FAM83G: variants seen among roughly 807,000 people sequenced by gnomAD.
FAM83G encodes the protein scaffolding CK1 anchoring protein G.
FAM83G carries 38 observed loss-of-function variants against 61.5 expected under a neutral mutation model. That is an observed-to-expected ratio of 0.62 (90% CI 0.48 to 0.81). The LOEUF is 0.81. Ranked by LOEUF, FAM83G falls within the 30% of genes least tolerant of loss-of-function variation. The probability of loss-of-function intolerance (pLI) is 0.00; values close to 1 mark genes in which losing one functional copy is unlikely to be tolerated. For synonymous variants in FAM83G, 470 were observed against 476.1 expected, an observed-to-expected ratio of 0.99 and a Z score of 0.17; for missense variants, 989 against 1,133.6, an observed-to-expected ratio of 0.87 and a Z score of 1.83.
chr17:19,003,554 T>G lies in FAM83G; in HGVS notation c.488A>C (p.Glu163Ala), dbSNP rs2043788568. The G allele has an allele frequency of 6.4e-7, 1 of 1,560,290 alleles. No individual in the cohort carries two copies. The highest frequency in any genetic ancestry group is 8.7e-7 in the Non-Finnish European group (1 of 1,152,800). ...PPIDGQAHIKEVVRKMISQAQ... is the reference protein window; with the variant it reads ...PPIDGQAHIKAVVRKMISQAQ... ...CTGGCTGATCATCTTCCGCACCACC[T>G]CTTTGATGTGGGCCTGCCCGTCTAT... Residue 163 changes from glutamate to alanine, a missense_variant, in exon 2 of 6, where the codon GAG (glutamate) becomes GCG (alanine). Glu to Ala is a moderately radical substitution (Grantham distance 107). This residue lies in a region of FAM83G where 371 missense variants were observed against 404.5 expected (regional missense o/e 0.92). Transcript: ENST00000388995. The surrounding 1 kb of genome is among the most constrained non-coding windows in gnomAD (Gnocchi z 4.5).
chr17:18,985,250 T>C (rs2043241095), intron 3 of FAM83G, among the ~76,000 whole-genome samples: 2 of 152,198 alleles, frequency 1.3e-5, no homozygotes, highest in Admixed American at 1.3e-4. Context: ...ACAGCACCCC[T>C]GACAGATAAA....
chr17:18,978,475 T>G lies in FAM83G; in HGVS notation c.1191A>C (p.Pro397=). The G allele has an allele frequency of 6.2e-7, 1 of 1,611,552 alleles. No homozygotes were observed. The highest frequency in any genetic ancestry group is 8.5e-7 in the Non-Finnish European group (1 of 1,179,098). The part of the protein sequence containing the change: ...ELPELLPPIH[P]GLLHLERANM... ...TGGCCCTCTCCAGGTGAAGCAGTCC[T>G]GGGTGGATGGGTGGCAGCAGCTCGG... Residue 397 remains proline (P), a synonymous_variant, in exon 5 of 6, where the codon CCA becomes CCC. Transcript: ENST00000388995.
Position 18,971,680 on chromosome 17 carries a change from G to C in FAM83G, c.2151C>G (p.Pro717=), listed in dbSNP as rs1466028279. 6.2e-7 allele frequency: 1 copy of C among 1,610,334 alleles called. No individual in the cohort carries two copies. The highest frequency in any genetic ancestry group is 8.5e-7 in the Non-Finnish European group (1 of 1,177,742). Residue 717 remains proline (P), a synonymous_variant, in exon 6 of 6, where the codon CCC becomes CCG. Transcript: ENST00000388995. The surrounding 1 kb of genome is among the most constrained non-coding windows in gnomAD (Gnocchi z 5.5). ...GTRDKDGFPG[P]PRYRSAADSV... ...TGTCAGCAGCAGAGCGGTACCTAGGGGGTCCTGGGAAGCCGTCTTTATCCC... is the reference window on the plus strand; with the variant it reads ...TGTCAGCAGCAGAGCGGTACCTAGGCGGTCCTGGGAAGCCGTCTTTATCCC...
At chr17:19,002,905 T>C (rs2043767227) in intron 2 of FAM83G, among the ~76,000 whole-genome samples, 1 of 152,118 alleles carries the variant, frequency 6.6e-6, no homozygotes, top group Non-Finnish European at 1.5e-5. Context: ...CTCACTCCAC[T>C]TCCACAGATG....
chr17:18,971,145 C>T lies in FAM83G; in HGVS notation c.*214G>A. Reference sequence around the variant, plus strand: ...ATGCACATGTTTCGAGACCCCCACACAGGGGACCTGCCGTGGACCGGGATG... The same window carrying T: ...ATGCACATGTTTCGAGACCCCCACATAGGGGACCTGCCGTGGACCGGGATG... On this transcript the variant is annotated 3_prime_UTR_variant, in exon 6 of 6. Transcript: ENST00000388995. This position sits in a 1 kb window ranked among gnomAD's most constrained non-coding sequence, Gnocchi z 5.5. The T allele has an allele frequency of 2.5e-6, 4 of 1,614,092 alleles. No individual in the cohort carries two copies. The highest frequency in any genetic ancestry group is 2.2e-5 in the East Asian group (1 of 44,882).
intron 5 of FAM83G, among the ~76,000 whole-genome samples, chr17:18,972,086 A>C (rs1743626146): frequency 5.3e-5 from 8 of 152,160 alleles, no homozygotes; most frequent in African/African-American, 1.7e-4. Flanking sequence ...TGTTGAGTGC[A>C]GGGGGTGACT....
chr17:18,969,513 C>A lies in FAM83G; in HGVS notation c.*1846G>T. ...GCCCGGCACTGTGCAGGATTCATGCCGTTGGGGTTCTGGGTAGCATCGCTG... is the reference window on the plus strand; with the variant it reads ...GCCCGGCACTGTGCAGGATTCATGCAGTTGGGGTTCTGGGTAGCATCGCTG... On this transcript the variant is annotated 3_prime_UTR_variant, in exon 6 of 6. Transcript: ENST00000388995. 1.6e-6 allele frequency: 2 copies of A among 1,249,436 alleles called. No individual in the cohort carries two copies. Among genetic ancestry groups the A allele is most frequent in the South Asian group, 1.3e-5 (1 of 74,156 alleles). 77.4% of individuals were successfully genotyped at this position (1,249,436 alleles called of 1,614,324 possible). A position where few individuals can be genotyped will look rare whatever the true frequency, so the allele number is the denominator to read the frequency against.
intron 3 of FAM83G, among the ~76,000 whole-genome samples, chr17:18,981,140 G>A (rs773933303): frequency 6.6e-6 from 1 of 152,176 alleles, no homozygotes; most frequent in Non-Finnish European, 1.5e-5. Flanking sequence ...GGAGGCTGAG[G>A]GGGTAAACGA....
chr17:18,999,377 G>A (rs1196419463), intron 2 of FAM83G, among the ~76,000 whole-genome samples: 1 of 152,204 alleles, frequency 6.6e-6, no homozygotes, highest in Non-Finnish European at 1.5e-5. Context: ...GGCTCAGAAG[G>A]AACAGTGCCA....
rs201696809 is a variant in FAM83G at position 18,971,431 on chromosome 17, C to A, written c.2400G>T (p.Thr800=). 2.3e-5 allele frequency: 37 copies of A among 1,613,830 alleles called. 1 individual carries two copies. In the African/African-American group the frequency reaches 4.7e-4, roughly 20 times the overall value. Residue 800 remains threonine, a synonymous_variant, in exon 6 of 6, where the codon ACG becomes ACT. Transcript: ENST00000388995. This position sits in a 1 kb window ranked among gnomAD's most constrained non-coding sequence, Gnocchi z 5.5. ...LSQSKHLKAR[T]GGSQWASSDS... is the part of the protein sequence containing the mutation. The stretch of plus-strand genomic sequence containing the variant: ...CCGATGAGGCCCACTGGCTACCGCC[C>A]GTCCTGGCCTTTAGGTGCTTCGACT...
intron 2 of FAM83G, among the ~76,000 whole-genome samples, chr17:18,991,707 G>C (rs557148228): frequency 6.6e-6 from 1 of 152,182 alleles, no homozygotes; most frequent in African/African-American, 2.4e-5. Flanking sequence ...CCCAGGTACC[G>C]TTGTCAAAGC....
At chr17:18,994,086 C>G (rs770741209) in intron 2 of FAM83G, among the ~76,000 whole-genome samples, 3 of 152,202 alleles carry the variant, frequency 2.0e-5, no homozygotes, top group Non-Finnish European at 2.9e-5. Context: ...GGGCTGCTCA[C>G]AGGAATGCTG....
intron 3 of FAM83G, among the ~76,000 whole-genome samples, chr17:18,985,698 G>C (rs1465588276): frequency 3.9e-5 from 6 of 152,226 alleles, no homozygotes; most frequent in African/African-American, 1.4e-4. Context: ...GAATGAGGAA[G>C]CCAGGTCACA....
chr17:18,989,904 C>A (rs2043369316), intron 2 of FAM83G, among the ~76,000 whole-genome samples: 1 of 152,182 alleles, frequency 6.6e-6, no homozygotes, highest in African/African-American at 2.4e-5. Flanking sequence ...TCTCCAGTAC[C>A]TTCTCTTGGA....
At chr17:18,985,567 A>G (rs2043249041) in intron 3 of FAM83G, among the ~76,000 whole-genome samples, 1 of 152,118 alleles carries the variant, frequency 6.6e-6, no homozygotes, top group Non-Finnish European at 1.5e-5. Flanking sequence ...CAGCTAGCTC[A>G]AGGTGAGGGA....
intron 4 of FAM83G, 159 bp from the exon 5 acceptor site, chr17:18,979,009 C>T (rs929845656): frequency 1.3e-6 from 1 of 792,582 alleles, no homozygotes; most frequent in African/African-American, 1.7e-5. Flanking sequence ...TGGGGTCAGA[C>T]TGAGTCGGAT....
Position 18,970,744 on chromosome 17 carries a change from T to C in FAM83G, c.*615A>G. Reference sequence around the variant, plus strand: ...TCCAGAGGCCAACAGTGACTCCTGCTGGGCCAGCGGGACACTGGGGTGCCC... The same window carrying C: ...TCCAGAGGCCAACAGTGACTCCTGCCGGGCCAGCGGGACACTGGGGTGCCC... On this transcript the variant is annotated 3_prime_UTR_variant, in exon 6 of 6. Coordinates refer to ENST00000388995, the MANE Select transcript of FAM83G (RefSeq NM_001039999.3). 1 of 488,848 alleles carries C rather than the reference T, an allele frequency of 2.0e-6. No homozygotes were observed. The highest frequency in any genetic ancestry group is 3.7e-6 in the Non-Finnish European group (1 of 269,350). 30.3% of individuals were successfully genotyped at this position (488,848 alleles called of 1,614,324 possible). A position where few individuals can be genotyped will look rare whatever the true frequency, so the allele number is the denominator to read the frequency against.
At chr17:18,974,908 T>C (rs1038901955) in intron 5 of FAM83G, among the ~76,000 whole-genome samples, 2 of 151,906 alleles carry the variant, frequency 1.3e-5, no homozygotes, top group African/African-American at 4.8e-5. Context: ...GACATCTGAG[T>C]TGGGGGCCCA....
At chr17:18,979,454 A>G in intron 4 of FAM83G, 95 bp downstream of exon 4, 1 of 1,474,132 alleles carries the variant, frequency 6.8e-7, no homozygotes. Context: ...CTTGGGACCA[A>G]TGAACCGGAA....
Sources: allele counts gnomAD v4.1 joint callset (sites outside exome capture counted in the v4.1 genomes callset), GRCh38; gene constraint gnomAD v4.1.1; regional missense constraint gnomAD v4.1.1; non-coding constraint Gnocchi (gnomAD v3.1); transcripts MANE v1.5; gene names NCBI Gene and HGNC (gene_info 2026-07-23, HGNC 2026-07-21).